The following MYO16 variants were observed in gnomAD, a reference collection of about 807,000 sequenced individuals.
MYO16 encodes unconventional myosin-XVI.
A neutral mutation model predicts 205.3 loss-of-function variants in MYO16; 94 were observed. The observed-to-expected ratio is 0.46, with a 90% confidence interval of 0.39 to 0.54. The LOEUF (loss-of-function observed/expected upper bound fraction) is 0.54. Ranked by LOEUF, MYO16 falls within the 20% of genes least tolerant of loss-of-function variation. MYO16 has a pLI of 0.00. For synonymous variants in MYO16, 988 were observed against 954.0 expected, an observed-to-expected ratio of 1.04 and a Z score of -0.66; for missense variants, 2,315 against 2,387.5, an observed-to-expected ratio of 0.97 and a Z score of 0.63.
chr13:108,817,620 G>A (rs566429753), intron 7 of MYO16, among the ~76,000 whole-genome samples: 18 of 152,204 alleles, frequency 1.2e-4, no homozygotes, highest in Admixed American at 9.8e-4. Context: ...ATAACTGTGC[G>A]CTTATTAGTG....
chr13:109,029,791 C>T (rs1046648795), intron 23 of MYO16, among the ~76,000 whole-genome samples: 1 of 152,156 alleles, frequency 6.6e-6, no homozygotes, highest in Non-Finnish European at 1.5e-5. Flanking sequence ...ACACGAATTT[C>T]CCCTTTGGCA....
chr13:108,526,786 C>T, the MYO16 span, among the ~76,000 whole-genome samples: 10 of 152,082 alleles, frequency 6.6e-5, no homozygotes, highest in African/African-American at 2.4e-4. Flanking sequence ...TCTGTTATTT[C>T]TGCCTTTTTC....
intron 20 of MYO16, among the ~76,000 whole-genome samples, chr13:108,977,279 G>A (rs1402518278): frequency 6.6e-6 from 1 of 152,080 alleles, no homozygotes; most frequent in Non-Finnish European, 1.5e-5. Context: ...TTCACTATTG[G>A]TGGACACTGA....
At chr13:108,793,897 C>T (rs1214811975) in intron 6 of MYO16, among the ~76,000 whole-genome samples, 1 of 152,010 alleles carries the variant, frequency 6.6e-6, no homozygotes, top group African/African-American at 2.4e-5. Context: ...CATCCCAGTG[C>T]CGTTTATAAT....
intron 22 of MYO16, among the ~76,000 whole-genome samples, chr13:109,011,617 C>T (rs1024784456): frequency 1.3e-5 from 2 of 151,382 alleles, no homozygotes; most frequent in East Asian, 2.0e-4. Flanking sequence ...TGGGTTCAAG[C>T]GATTCTCCTG....
chr13:108,960,289 A>AAG (rs386380683), intron 17 of MYO16, among the ~76,000 whole-genome samples: 2 of 150,516 alleles, frequency 1.3e-5, no homozygotes, highest in African/African-American at 4.9e-5. Flanking sequence ...AAAAAAAAAA[A>AAG]GGAAAAAAAA....
At chr13:109,033,619 G>T (rs1886615176) in intron 23 of MYO16, among the ~76,000 whole-genome samples, 1 of 152,140 alleles carries the variant, frequency 6.6e-6, no homozygotes, top group Non-Finnish European at 1.5e-5. Context: ...AATTTTCAAA[G>T]AGCAGAAAAT....
At chr13:108,615,144 C>T (rs147265185) in intron 1 of MYO16, among the ~76,000 whole-genome samples, 63 of 151,934 alleles carry the variant, frequency 4.1e-4, no homozygotes, top group African/African-American at 1.2e-3. Context: ...GGGTAAAGGA[C>T]GTGAATCATA....
chr13:108,563,334 C>G, the MYO16 span, among the ~76,000 whole-genome samples: 1 of 152,066 alleles, frequency 6.6e-6, no homozygotes, highest in South Asian at 2.1e-4. Flanking sequence ...TTCAAACAAT[C>G]CAATTATACT....
At chr13:108,707,709 C>G (rs1883566182) in intron 2 of MYO16, among the ~76,000 whole-genome samples, 1 of 152,196 alleles carries the variant, frequency 6.6e-6, no homozygotes, top group African/African-American at 2.4e-5. Context: ...CTAATTCTGT[C>G]TCTTCCAAAT....
At chr13:108,643,790 G>A (rs1880616011) in intron 1 of MYO16, among the ~76,000 whole-genome samples, 1 of 152,108 alleles carries the variant, frequency 6.6e-6, no homozygotes, top group Admixed American at 6.6e-5. Context: ...GTTTTGCATG[G>A]GCGCGTGGTT....
At chr13:108,679,932 C>T (rs1359603771) in intron 2 of MYO16, among the ~76,000 whole-genome samples, 1 of 152,070 alleles carries the variant, frequency 6.6e-6, no homozygotes, top group Non-Finnish European at 1.5e-5. Context: ...TTCAGCTCCT[C>T]AAGCCTCTTC....
chr13:108,907,881 G>C (rs1340080408), intron 15 of MYO16, among the ~76,000 whole-genome samples: 1 of 152,134 alleles, frequency 6.6e-6, no homozygotes, highest in Non-Finnish European at 1.5e-5. Context: ...CCAAGAACAA[G>C]ATGACTATTC....
intron 16 of MYO16, among the ~76,000 whole-genome samples, chr13:108,924,253 T>G (rs1297664818): frequency 1.3e-5 from 2 of 152,240 alleles, no homozygotes; most frequent in African/African-American, 2.4e-5. Flanking sequence ...GATGCAGTCA[T>G]GTGAATGTGT....
At chr13:108,559,718 C>T in the MYO16 span, among the ~76,000 whole-genome samples, 36 of 151,964 alleles carry the variant, frequency 2.4e-4, no homozygotes, top group Non-Finnish European at 4.4e-5. Context: ...GATCCGCCCA[C>T]CTCAGCCTCC....
intron 7 of MYO16, among the ~76,000 whole-genome samples, chr13:108,814,472 TA>T (rs1410615794): frequency 6.6e-6 from 1 of 152,044 alleles, no homozygotes; most frequent in Admixed American, 6.6e-5. Flanking sequence ...ACATATGATA[TA>T]AAAGCAAGAA....
chr13:108,767,778 G>A (rs560464995), intron 4 of MYO16, among the ~76,000 whole-genome samples: 1 of 152,226 alleles, frequency 6.6e-6, no homozygotes, highest in South Asian at 2.1e-4. Context: ...ATGTTTTTCA[G>A]AATATGAATT....
At chr13:108,949,168 G>A (rs57072090) in intron 16 of MYO16, among the ~76,000 whole-genome samples, 2,341 of 152,232 alleles carry the variant, frequency 0.015, 61 homozygotes, top group African/African-American at 0.051. Context: ...CTGTAAGAAC[G>A]AAGATAACTG....
intron 1 of MYO16, among the ~76,000 whole-genome samples, chr13:108,649,553 A>G (rs1182298379): frequency 6.6e-6 from 1 of 152,232 alleles, no homozygotes; most frequent in Non-Finnish European, 1.5e-5. Context: ...AGGATGGAAG[A>G]TATATGGAAA....
Sources: gnomAD v4.1 joint callset for allele counts (sites outside exome capture counted in the v4.1 genomes callset) on GRCh38, gnomAD v4.1.1 for gene constraint, MANE v1.5 for transcripts, NCBI Gene and HGNC (gene_info 2026-07-23, HGNC 2026-07-21) for gene names.